The following IBTK variants were observed in gnomAD, a reference collection of about 807,000 sequenced individuals.
The protein encoded by IBTK is inhibitor of Bruton tyrosine kinase.
IBTK carries 83 observed loss-of-function variants against 154.9 expected under a neutral mutation model. The observed-to-expected ratio is 0.54, with a 90% CI of 0.45 to 0.64. The LOEUF (loss-of-function observed/expected upper bound fraction) is 0.64, where lower values mean the gene tolerates loss of function less well. Ranked by LOEUF, IBTK falls within the 30% of genes least tolerant of loss-of-function variation. The pLI is 0.00. For missense variants in IBTK, 1,332 were observed against 1,584.6 expected (o/e 0.84, Z 2.71); for synonymous variants, 515 against 536.1 (o/e 0.96, Z 0.54).
At chr6:82,216,521 TC>T (rs1472654424) in intron 10 of IBTK, among the ~76,000 whole-genome samples, 1 of 152,184 alleles carries the variant, frequency 6.6e-6, no homozygotes, top group Non-Finnish European at 1.5e-5. Context: ...CAACCAAAGT[TC>T]CCTTTCTAAA....
intron 13 of IBTK, among the ~76,000 whole-genome samples, chr6:82,211,828 T>C (rs1185918100): frequency 6.6e-6 from 1 of 152,180 alleles, no homozygotes; most frequent in Non-Finnish European, 1.5e-5. Context: ...TTTTTTTTAT[T>C]CCAGAAAAAC....
At chr6:82,219,432 T>C (rs1769988893) in intron 9 of IBTK, among the ~76,000 whole-genome samples, 1 of 152,162 alleles carries the variant, frequency 6.6e-6, no homozygotes, top group South Asian at 2.1e-4. Context: ...GAAAACATTA[T>C]TTTAATTTGA....
In IBTK at chr6:82,211,632, T is replaced by C. The variant is rs1379065788; in HGVS notation, c.2292-60A>G. ...TTCTTTACATATTTAGTGAAAAAGA[T>C]TATAGGATTTGGCTTAACTTTCAGT... On this transcript the variant is annotated intron_variant, in intron 13 of 28. Coordinates refer to ENST00000306270, the MANE Select transcript of IBTK (RefSeq NM_015525.4). The C allele has an allele frequency of 3.2e-5, 44 of 1,371,436 alleles. No homozygotes were observed. In the East Asian group the frequency reaches 9.9e-4, roughly 31 times the overall value. 85.0% of individuals were successfully genotyped at this position (1,371,436 alleles called of 1,614,324 possible). A position where few individuals can be genotyped will look rare whatever the true frequency, so the allele number is the denominator to read the frequency against.
rs1020288029 is a variant in IBTK, at chr6:82,216,186, C to T, written c.1491G>A (p.Val497=). ...GTTTCTCAAGTCGAATTCTTTCATACACACTATTTATATCAGAGACATAAG... is the reference window on the plus strand; with the variant it reads ...GTTTCTCAAGTCGAATTCTTTCATATACACTATTTATATCAGAGACATAAG... The part of the protein sequence containing the change: ...DVSYVSDINS[V]YERIRLEKLT... Residue 497 remains valine (V), a synonymous_variant, in exon 11 of 29, where the codon GTG becomes GTA. Coordinates refer to ENST00000306270, the MANE Select transcript of IBTK (RefSeq NM_015525.4). 6.2e-7 allele frequency: 1 copy of T among 1,611,942 alleles called. No homozygotes were observed. Among genetic ancestry groups the T allele is most frequent in the East Asian group, 2.2e-5 (1 of 44,832 alleles).
At chr6:82,245,936 G>GA (rs1771126621) in intron 1 of IBTK, among the ~76,000 whole-genome samples, 2 of 150,822 alleles carry the variant, frequency 1.3e-5, no homozygotes, top group Admixed American at 6.6e-5. Context: ...TTAAACAACG[G>GA]AAAAAACACA....
chr6:82,223,299 A>T, intron 8 of IBTK, 141 bp downstream of exon 8: 1 of 577,396 alleles, frequency 1.7e-6, no homozygotes, highest in Non-Finnish European at 2.7e-6. Context: ...AAAATCAAAG[A>T]CAAAAATTCC....
intron 23 of IBTK, among the ~76,000 whole-genome samples, chr6:82,192,096 T>C (rs1017244247): frequency 6.6e-6 from 1 of 152,106 alleles, no homozygotes; most frequent in African/African-American, 2.4e-5. Flanking sequence ...AAATGTTAAG[T>C]GATATAGCAC....
chr6:82,187,848 A>G lies in IBTK; in HGVS notation c.3575+3225T>C, dbSNP rs1768609751. On this transcript the variant is annotated intron_variant, in intron 25 of 28. Transcript: ENST00000306270. ...CTCTGGCAGAAGGAAAATTTGATTC[A>G]AAGTCACTAGTAATAGAGGATGGCG... is the stretch of plus-strand genomic sequence containing the variant. 2.0e-5 allele frequency among the ~76,000 whole-genome samples: 3 copies of G among 152,274 alleles called. No individual in the cohort carries two copies. The South Asian group carries it at 6.2e-4, about 32-fold the overall frequency.
In IBTK at chr6:82,240,151, A is replaced by G. The variant is rs1354168942; in HGVS notation, c.321+15T>C. ...TCCAGACTAAATACGTTTAAAATAA[A>G]CAAATGACAATTACCTTCAATAGAG... On this transcript the variant is annotated intron_variant, in intron 2 of 28. Coordinates refer to ENST00000306270, the MANE Select transcript of IBTK (RefSeq NM_015525.4). 6.3e-7 allele frequency: 1 copy of G among 1,588,936 alleles called. No homozygotes were observed. The highest frequency in any genetic ancestry group is 1.7e-5 in the Admixed American group (1 of 58,484).
At chr6:82,212,643 T>G in intron 13 of IBTK, 64 bp downstream of exon 13, 1 of 979,520 alleles carries the variant, frequency 1.0e-6, no homozygotes, top group Non-Finnish European at 1.7e-6. Context: ...TAAGCAGAGA[T>G]CTATTTCCAC....
chr6:82,224,421 T>C (rs753971962), intron 6 of IBTK, among the ~76,000 whole-genome samples: 34 of 152,234 alleles, frequency 2.2e-4, no homozygotes, highest in Non-Finnish European at 4.6e-4. Flanking sequence ...ATATAGAAAA[T>C]TGACATGGTG....
rs116531726 is a variant in IBTK, at chr6:82,241,617, C to T, written c.-357-774G>A. Among the ~76,000 whole-genome samples the T allele has an allele frequency of 5.7e-3, 866 of 152,258 alleles. 9 individuals are homozygous for T. Among genetic ancestry groups the T allele is most frequent in the African/African-American group, 0.02 (829 of 41,560 alleles). ...ACTACAAAAGCACTGGATGAAAATA[C>T]AAAAGACTCTTTTTTTATAATCACA... On this transcript the variant is annotated intron_variant, in intron 1 of 28. Coordinates refer to ENST00000306270, the MANE Select transcript of IBTK (RefSeq NM_015525.4).
intron 3 of IBTK, 55 bp downstream of exon 3, chr6:82,234,104 G>T (rs1770624493): frequency 2.5e-6 from 2 of 793,878 alleles, no homozygotes; most frequent in African/African-American, 1.8e-5. Flanking sequence ...CTACCAAATT[G>T]CTGGGATTAC....
At chr6:82,221,063 C>A (rs9344260) in intron 8 of IBTK, among the ~76,000 whole-genome samples, 36,247 of 151,814 alleles carry the variant, frequency 0.24, 4,381 homozygotes, top group African/African-American at 0.28. Flanking sequence ...GCAGTGGCTC[C>A]CGCCTGTAAT....
At chr6:82,236,550 C>T (rs1770719911) in intron 2 of IBTK, among the ~76,000 whole-genome samples, 1 of 152,126 alleles carries the variant, frequency 6.6e-6, no homozygotes, top group South Asian at 2.1e-4. Context: ...ATCAAGAAGC[C>T]CCAAAAGAGC....
chr6:82,178,710 G>A (rs933297892), intron 26 of IBTK, among the ~76,000 whole-genome samples: 3 of 152,098 alleles, frequency 2.0e-5, no homozygotes, highest in African/African-American at 7.2e-5. Context: ...AATATGGAAC[G>A]TACAATAAAA....
intron 26 of IBTK, among the ~76,000 whole-genome samples, chr6:82,180,504 G>A (rs1168226968): frequency 6.6e-6 from 1 of 151,966 alleles, no homozygotes; most frequent in East Asian, 1.9e-4. Context: ...TGCCCACCTC[G>A]GCCTCCCAAA....
chr6:82,174,569 A>G (rs1768042178), intron 26 of IBTK, among the ~76,000 whole-genome samples: 1 of 152,284 alleles, frequency 6.6e-6, no homozygotes, highest in African/African-American at 2.4e-5. Context: ...GCCTGAATTC[A>G]GGGTAAGGAA....
At chr6:82,204,985 A>T (rs1769345603) in intron 16 of IBTK, 27 bp from the exon 17 acceptor site, 1 of 1,469,376 alleles carries the variant, frequency 6.8e-7, no homozygotes, top group Non-Finnish European at 9.4e-7. Flanking sequence ...AACAAGCATC[A>T]CTTTTTCTTT....
Sources: allele counts gnomAD v4.1 joint callset (sites outside exome capture counted in the v4.1 genomes callset), GRCh38; gene constraint gnomAD v4.1.1; transcripts MANE v1.5; gene names NCBI Gene and HGNC (gene_info 2026-07-23, HGNC 2026-07-21).